Variants in SPECC1 observed in about 807,000 individuals in gnomAD.
SPECC1 encodes sperm antigen with calponin homology and coiled-coil domains 1.
A neutral mutation model predicts 104.1 loss-of-function variants in SPECC1; 62 were observed. The ratio of observed to expected loss-of-function variants is 0.60; its 90% CI spans 0.49 to 0.74. The LOEUF is 0.74. Among genes scored for constraint, SPECC1 ranks in the 30% least tolerant of loss-of-function variants. SPECC1 has a pLI of 0.00. For missense variants in SPECC1, 1,306 were observed against 1,310.5 expected, an observed-to-expected ratio of 1.00 and a Z score of 0.05; for synonymous variants, 513 against 501.6, an observed-to-expected ratio of 1.02 and a Z score of -0.30.
intron 1 of SPECC1, among the ~76,000 whole-genome samples, chr17:20,035,434 A>C (rs897196320): frequency 6.6e-6 from 1 of 152,088 alleles, no homozygotes; most frequent in Non-Finnish European, 1.5e-5. Flanking sequence ...ATTTCACGCT[A>C]TTTAAGTCTT....
intron 4 of SPECC1, among the ~76,000 whole-genome samples, chr17:20,217,401 C>T (rs1002356311): frequency 6.6e-6 from 1 of 151,932 alleles, no homozygotes; most frequent in African/African-American, 2.4e-5. Context: ...TTGCAGGTCC[C>T]CTCCCCCATG....
chr17:20,263,276 G>A (rs1443380261), intron 12 of SPECC1, among the ~76,000 whole-genome samples: 1 of 149,248 alleles, frequency 6.7e-6, no homozygotes, highest in Non-Finnish European at 1.5e-5. Flanking sequence ...GATGGGCTGG[G>A]GAGGCTGTAA....
intron 2 of SPECC1, among the ~76,000 whole-genome samples, chr17:20,099,128 GA>G (rs1169828500): frequency 5.9e-5 from 9 of 152,240 alleles, no homozygotes; most frequent in African/African-American, 2.2e-4. Flanking sequence ...TTGTCATAAG[GA>G]GTAAATGTGG....
intron 2 of SPECC1, 72 bp downstream of exon 2, chr17:20,096,870 T>G: frequency 6.5e-7 from 1 of 1,535,850 alleles, no homozygotes; most frequent in Non-Finnish European, 8.8e-7. Flanking sequence ...AAGAGGGCAG[T>G]AAGCAAACCA....
At chr17:20,021,400 T>C (rs2044369102) in intron 1 of SPECC1, among the ~76,000 whole-genome samples, 1 of 152,090 alleles carries the variant, frequency 6.6e-6, no homozygotes, top group Non-Finnish European at 1.5e-5. Flanking sequence ...ATTCTGGTCT[T>C]AATATCCACC....
At chr17:20,202,099 T>C (rs2036471052) in intron 3 of SPECC1, among the ~76,000 whole-genome samples, 1 of 152,234 alleles carries the variant, frequency 6.6e-6, no homozygotes, top group Non-Finnish European at 1.5e-5. Flanking sequence ...TACATGGTGC[T>C]ATTCATAGTT....
chr17:20,077,168 G>A (rs573272505), intron 1 of SPECC1, among the ~76,000 whole-genome samples: 1 of 152,100 alleles, frequency 6.6e-6, no homozygotes, highest in African/African-American at 2.4e-5. Flanking sequence ...TTTTTCGTAA[G>A]TCTTCTATGT....
At chr17:20,156,330 G>C (rs1002806060) in intron 3 of SPECC1, 5 of 1,274,412 alleles carry the variant, frequency 3.9e-6, no homozygotes, top group Non-Finnish European at 5.0e-6. Context: ...GGCGCCGACT[G>C]GGGCGAGCGA....
intron 3 of SPECC1, among the ~76,000 whole-genome samples, chr17:20,148,963 C>A (rs1300866407): frequency 6.6e-6 from 1 of 152,044 alleles, no homozygotes; most frequent in African/African-American, 2.4e-5. Flanking sequence ...TCAGGCAATC[C>A]CGCCTGCCTC....
chr17:20,074,475 A>G (rs1311158060), intron 1 of SPECC1, among the ~76,000 whole-genome samples: 1 of 152,198 alleles, frequency 6.6e-6, no homozygotes, highest in Non-Finnish European at 1.5e-5. Flanking sequence ...TCTAGAAATT[A>G]AGTTTTTGCT....
At chr17:20,082,931 C>A (rs963080699) in intron 1 of SPECC1, among the ~76,000 whole-genome samples, 20 of 152,062 alleles carry the variant, frequency 1.3e-4, no homozygotes, top group African/African-American at 4.6e-4. Flanking sequence ...GGGCTTCTTT[C>A]TAGCACTGGT....
chr17:20,189,611 A>G lies in SPECC1; in HGVS notation c.284-14722A>G, dbSNP rs1191200304. On this transcript the variant is annotated intron_variant, in intron 3 of 14. Coordinates refer to ENST00000395527, the MANE Select transcript of SPECC1 (RefSeq NM_001243439.2). ...TGCCCTATCTCCCCTGCATCCTGAC[A>G]CAGAGCGGTCACTGTGTCCTCTCCA... Among the ~76,000 whole-genome samples the G allele has an allele frequency of 7.2e-5, 11 of 152,250 alleles. No individual in the cohort carries two copies. In the East Asian group the frequency reaches 2.1e-3, roughly 29 times the overall value.
chr17:20,196,328 T>C (rs546959740), intron 3 of SPECC1, among the ~76,000 whole-genome samples: 1 of 152,338 alleles, frequency 6.6e-6, no homozygotes, highest in East Asian at 1.9e-4. Context: ...AATTGTGTAT[T>C]AGGTGTGGAG....
intron 3 of SPECC1, among the ~76,000 whole-genome samples, chr17:20,134,028 A>G (rs1271411182): frequency 2.0e-5 from 3 of 152,024 alleles, no homozygotes; most frequent in Non-Finnish European, 2.9e-5. Context: ...TAGAATATTC[A>G]CACATTATAT....
chr17:20,122,760 A>T (rs539345429), intron 3 of SPECC1, among the ~76,000 whole-genome samples: 1 of 152,064 alleles, frequency 6.6e-6, no homozygotes, highest in Admixed American at 6.6e-5. Context: ...GGCTTATTTC[A>T]CTCAGCATAA....
At position 20,284,935 on chromosome 17, in the gene SPECC1, TAGTGTACAC is replaced by T. The variant is rs1237195930; in HGVS notation, c.2941-12023_2941-12015del. 2.0e-4 allele frequency among the ~76,000 whole-genome samples: 30 copies of T among 152,204 alleles called. 1 individual carries two copies. Among genetic ancestry groups the T allele is most frequent in the Admixed American group, 2.0e-3 (30 of 15,284 alleles). ...CTTTTTTCTTTTTGACTTTTGCAGT[TAGTGTACAC>T]AGAGTCAGTTCATTCACAGACACCT... On this transcript the variant is annotated intron_variant, in intron 12 of 14. Transcript: ENST00000395527.
intron 8 of SPECC1, 82 bp downstream of exon 8, chr17:20,246,153 A>C: frequency 1.3e-6 from 2 of 1,521,754 alleles, no homozygotes; most frequent in Non-Finnish European, 1.8e-6. Flanking sequence ...TCTCTACTCC[A>C]CCCTGGCCCT....
intron 3 of SPECC1, among the ~76,000 whole-genome samples, chr17:20,117,034 G>T (rs1825551722): frequency 6.6e-6 from 1 of 151,956 alleles, no homozygotes; most frequent in Non-Finnish European, 1.5e-5. Context: ...CTAATCAGGG[G>T]ATTAACCTTA....
At chr17:20,190,894 G>A (rs1046134012) in intron 3 of SPECC1, among the ~76,000 whole-genome samples, 4 of 151,336 alleles carry the variant, frequency 2.6e-5, no homozygotes, top group African/African-American at 4.9e-5. Context: ...CCCAACCCCT[G>A]GCAACCATTG....
Sources: gnomAD v4.1 joint callset for allele counts (sites outside exome capture counted in the v4.1 genomes callset) on GRCh38, gnomAD v4.1.1 for gene constraint, MANE v1.5 for transcripts, NCBI Gene and HGNC (gene_info 2026-07-23, HGNC 2026-07-21) for gene names.